Variants in CMAS observed in about 807,000 individuals in gnomAD.
CMAS encodes the protein N-acylneuraminate cytidylyltransferase.
CMAS carries 21 observed loss-of-function variants against 53.4 expected under a neutral mutation model. The ratio of observed to expected loss-of-function variants is 0.39; its 90% CI spans 0.28 to 0.57. The LOEUF (loss-of-function observed/expected upper bound fraction) is 0.57. Ranked by LOEUF, CMAS falls within the 20% of genes least tolerant of loss-of-function variation. CMAS has a pLI of 0.56. For synonymous variants in CMAS, 189 were observed against 195.2 expected (o/e 0.97, Z 0.27); for missense variants, 384 against 534.9 (o/e 0.72, Z 2.78).
At chr12:22,064,965 T>C in intron 7 of CMAS, among the ~76,000 whole-genome samples, 156 bp from the exon 8 acceptor site, 1 of 152,222 alleles carries the variant, frequency 6.6e-6, no homozygotes, top group East Asian at 1.9e-4. Flanking sequence ...TACTGTAAAA[T>C]ATTTTTGTTC....
Position 22,046,429 on chromosome 12 carries a change from C to T in CMAS, c.126C>T (p.Pro42=), listed in dbSNP as rs931937864. The change falls in exon 1 of 8, where the codon CCC becomes CCT. Residue 42 remains proline, a synonymous_variant. Transcript: ENST00000229329. ...RGGQGRGVEK[P]PHLAALILAR... ...GCCAGGGCCGAGGTGTGGAGAAGCC[C>T]CCGCACCTGGCAGCCCTAATTCTGG... The T allele has an allele frequency of 3.1e-6, 5 of 1,607,770 alleles. No individual in the cohort carries two copies. Among genetic ancestry groups the T allele is most frequent in the Non-Finnish European group, 4.2e-6 (5 of 1,177,814 alleles).
rs761224753 is a variant in CMAS, at chr12:22,055,161, G to A, written c.273G>A (p.Ser91=). Reference sequence around the variant, plus strand: ...GATATCTGAACAGTGTATGGGTTTCGACAGACCATGATGAAATTGAGAATG... The same window carrying A: ...GATATCTGAACAGTGTATGGGTTTCAACAGACCATGATGAAATTGAGAATG... ...DSGAFQSVWV[S]TDHDEIENVA... Residue 91 remains serine, a synonymous_variant, in exon 2 of 8, where the codon TCG becomes TCA. Coordinates refer to ENST00000229329, the MANE Select transcript of CMAS (RefSeq NM_018686.6). 9.9e-6 allele frequency: 16 copies of A among 1,612,582 alleles called. No individual in the cohort carries two copies. Among genetic ancestry groups the A allele is most frequent in the Middle Eastern group, 1.6e-4 (1 of 6,080 alleles).
At chr12:22,062,856 C>G (rs1950318032) in intron 7 of CMAS, among the ~76,000 whole-genome samples, 1 of 152,162 alleles carries the variant, frequency 6.6e-6, no homozygotes, top group African/African-American at 2.4e-5. Context: ...ATTGAATGTA[C>G]ATACTTTTTC....
intron 3 of CMAS, among the ~76,000 whole-genome samples, chr12:22,058,107 T>G (rs1950280930): frequency 6.6e-6 from 1 of 151,052 alleles, no homozygotes; most frequent in Non-Finnish European, 1.5e-5. Context: ...ATTACAGGCG[T>G]GAATCACCAC....
At chr12:22,061,619 G>A (rs1213144772) in intron 6 of CMAS, among the ~76,000 whole-genome samples, 167 bp downstream of exon 6, 3 of 152,062 alleles carry the variant, frequency 2.0e-5, no homozygotes, top group Non-Finnish European at 4.4e-5. Flanking sequence ...TAGATGAGTA[G>A]AATTAGGAAT....
chr12:22,057,007 G>C (rs1354167631), intron 3 of CMAS, among the ~76,000 whole-genome samples: 1 of 151,918 alleles, frequency 6.6e-6, no homozygotes, highest in Non-Finnish European at 1.5e-5. Context: ...AGAGAGTTCT[G>C]GTCACTACTC....
intron 7 of CMAS, among the ~76,000 whole-genome samples, chr12:22,064,143 A>G (rs1284001664): frequency 6.6e-6 from 1 of 152,178 alleles, no homozygotes; most frequent in Non-Finnish European, 1.5e-5. Context: ...ATTTCAGTAG[A>G]TAAGCATAGA....
intron 3 of CMAS, 133 bp downstream of exon 3, chr12:22,055,743 G>A (rs941519758): frequency 2.0e-5 from 14 of 703,500 alleles, no homozygotes; most frequent in Non-Finnish European, 2.8e-5. Flanking sequence ...ACTTTAGTAG[G>A]TAATGACATT....
intron 3 of CMAS, 133 bp from the exon 4 acceptor site, chr12:22,058,434 A>G: frequency 3.7e-6 from 3 of 808,138 alleles, no homozygotes; most frequent in Non-Finnish European, 5.8e-6. Flanking sequence ...CAAAAAAAAA[A>G]AAAGAAAAGT....
chr12:22,063,243 C>T (rs1041674865), intron 7 of CMAS, among the ~76,000 whole-genome samples: 13 of 152,092 alleles, frequency 8.5e-5, no homozygotes, highest in African/African-American at 3.1e-4. Flanking sequence ...TAATATGAGC[C>T]TCAAAATAAG....
At chr12:22,050,802 G>A (rs1159623762) in intron 1 of CMAS, among the ~76,000 whole-genome samples, 4 of 151,932 alleles carry the variant, frequency 2.6e-5, no homozygotes, top group African/African-American at 9.7e-5. Context: ...TTTGGCCTGG[G>A]GAGACTCCTG....
At chr12:22,046,594 C>A (rs755831139) in intron 1 of CMAS, 31 bp downstream of exon 1, 1 of 1,492,936 alleles carries the variant, frequency 6.7e-7, no homozygotes, top group Admixed American at 2.2e-5. Flanking sequence ...GCGGCGCGGC[C>A]TGGGCGGGGG....
At chr12:22,052,509 G>A (rs1401418048) in intron 1 of CMAS, among the ~76,000 whole-genome samples, 1 of 152,118 alleles carries the variant, frequency 6.6e-6, no homozygotes, top group Non-Finnish European at 1.5e-5. Flanking sequence ...GGATAATGAA[G>A]TAAATGGCTT....
intron 5 of CMAS, 64 bp downstream of exon 5, chr12:22,060,990 G>C: frequency 1.0e-6 from 1 of 999,056 alleles, no homozygotes; most frequent in South Asian, 1.3e-5. Flanking sequence ...TCTAGATACT[G>C]ATTTCTGATA....
rs762525283 is a variant in CMAS at position 22,065,192 on chromosome 12, A to C, written c.1186A>C (p.Thr396Pro). Residue 396 changes from threonine to proline, a missense_variant, in exon 8 of 8, where the codon ACT (threonine) becomes CCT (proline). Transcript: ENST00000229329. ...TGGCGCTCCTGCTGATGCCTGTTCT[A>C]CTGCCCAGAAGGCTGTTGGATACAT... ...LSGAPADACS[T>P]AQKAVGYICK... is the part of the protein sequence containing the mutation. 4 of 1,614,156 alleles carry C rather than the reference A, an allele frequency of 2.5e-6. No individual in the cohort carries two copies.
At chr12:22,058,140 T>C (rs1450604713) in intron 3 of CMAS, among the ~76,000 whole-genome samples, 1 of 151,342 alleles carries the variant, frequency 6.6e-6, no homozygotes, top group African/African-American at 2.4e-5. Flanking sequence ...AAAAGTTCTT[T>C]ATCAGGCCGG....
intron 7 of CMAS, among the ~76,000 whole-genome samples, chr12:22,063,092 C>T (rs1450061085): frequency 2.0e-5 from 3 of 152,162 alleles, no homozygotes; most frequent in Non-Finnish European, 2.9e-5. Context: ...TATGATGATA[C>T]GCAGCATGGA....
At chr12:22,060,036 T>C (rs1290885655) in intron 4 of CMAS, among the ~76,000 whole-genome samples, 3 of 152,082 alleles carry the variant, frequency 2.0e-5, no homozygotes, top group Non-Finnish European at 4.4e-5. Context: ...GAAAACTCTG[T>C]ACAACAGATG....
intron 7 of CMAS, 22 bp downstream of exon 7, chr12:22,062,456 C>G (rs76222479): frequency 1.2e-6 from 2 of 1,605,980 alleles, no homozygotes; most frequent in Non-Finnish European, 1.7e-6. Flanking sequence ...TTTATTCACC[C>G]ATAGTAAAAT....
Sources: allele counts gnomAD v4.1 joint callset (sites outside exome capture counted in the v4.1 genomes callset), GRCh38; gene constraint gnomAD v4.1.1; transcripts MANE v1.5; gene names NCBI Gene and HGNC (gene_info 2026-07-23, HGNC 2026-07-21).